ANKRD44: variants seen among roughly 807,000 people sequenced by gnomAD.
ANKRD44 encodes the protein ankyrin repeat domain 44.
Under a neutral mutation model 116.0 loss-of-function variants are expected in ANKRD44, and 35 were observed. The observed-to-expected ratio is 0.30, with a 90% CI of 0.23 to 0.40. The LOEUF is 0.40. Among genes scored for constraint, ANKRD44 ranks in the 10% least tolerant of loss-of-function variants. The pLI is 1.00. For synonymous variants in ANKRD44, 435 were observed against 461.8 expected, an observed-to-expected ratio of 0.94 and a Z score of 0.74; for missense variants, 1,014 against 1,242.6, an observed-to-expected ratio of 0.82 and a Z score of 2.77.
At chr2:196,996,965 A>G (rs2076024670) in intron 25 of ANKRD44, among the ~76,000 whole-genome samples, 1 of 151,268 alleles carries the variant, frequency 6.6e-6, no homozygotes, top group African/African-American at 2.4e-5. Context: ...TTAGGAATTT[A>G]TCTTAAAGTA....
chr2:197,131,486 C>T (rs1413431352), intron 4 of ANKRD44, among the ~76,000 whole-genome samples: 1 of 152,174 alleles, frequency 6.6e-6, no homozygotes, highest in African/African-American at 2.4e-5. Flanking sequence ...CCACCGCGCC[C>T]GGCGATAGTA....
At chr2:197,087,774 G>A (rs1283094312) in intron 12 of ANKRD44, among the ~76,000 whole-genome samples, 1 of 152,144 alleles carries the variant, frequency 6.6e-6, no homozygotes, top group Non-Finnish European at 1.5e-5. Context: ...TGATGCCAAA[G>A]GATCAAGGGT....
At chr2:197,086,608 C>T (rs1450354900) in intron 13 of ANKRD44, 72 bp downstream of exon 13, 1 of 1,445,248 alleles carries the variant, frequency 6.9e-7, no homozygotes, top group African/African-American at 1.4e-5. Flanking sequence ...TTCAACCTAA[C>T]TTGATTACTA....
At chr2:197,049,149 T>TA (rs1167729901) in intron 16 of ANKRD44, among the ~76,000 whole-genome samples, 6 of 152,204 alleles carry the variant, frequency 3.9e-5, no homozygotes, top group African/African-American at 1.4e-4. Flanking sequence ...ACTCTGATGG[T>TA]AGTTTCTTTT....
rs71012957 is a variant in ANKRD44 at position 197,139,848 on chromosome 2, T to TTGTGTG, written c.191-3192_191-3187dup. Among the ~76,000 whole-genome samples, 352 of 131,658 alleles carry TTGTGTG rather than the reference T, an allele frequency of 2.7e-3. 5 individuals carry two copies. Among genetic ancestry groups the TTGTGTG allele is most frequent in the African/African-American group, 3.3e-3 (114 of 34,336 alleles). The allele number at this position is 131,658 out of a possible 152,430, so 86.4% of individuals were successfully genotyped here. A position where few individuals can be genotyped will look rare whatever the true frequency, so the allele number is the denominator to read the frequency against. On this transcript the variant is annotated intron_variant, in intron 3 of 27. Transcript: ENST00000282272. ...TGGGGGAGGGGGGACTAAGCTGCTTTTGTGTGTGTGTGTGTGTGTGTGTGT... is the reference window on the plus strand; with the variant it reads ...TGGGGGAGGGGGGACTAAGCTGCTTTTGTGTGTGTGTGTGTGTGTGTGTGTGTGTGT...
chr2:197,062,786 T>C (rs1284155019), intron 16 of ANKRD44, among the ~76,000 whole-genome samples: 2 of 152,228 alleles, frequency 1.3e-5, no homozygotes, highest in Non-Finnish European at 2.9e-5. Flanking sequence ...CGCCTGCCAT[T>C]ACTGAGGCTT....
chr2:197,144,695 A>G (rs2079452733), intron 3 of ANKRD44, among the ~76,000 whole-genome samples: 1 of 152,224 alleles, frequency 6.6e-6, no homozygotes. Flanking sequence ...AAACAAGTGA[A>G]TAGATTAAAA....
At chr2:197,106,776 C>G (rs925538792) in intron 9 of ANKRD44, among the ~76,000 whole-genome samples, 1 of 144,876 alleles carries the variant, frequency 6.9e-6, no homozygotes, top group East Asian at 2.0e-4. Context: ...GGTGACAGAG[C>G]AAGACTCCGT....
At chr2:197,059,738 A>AT (rs1452876355) in intron 16 of ANKRD44, among the ~76,000 whole-genome samples, 1 of 152,214 alleles carries the variant, frequency 6.6e-6, no homozygotes, top group Non-Finnish European at 1.5e-5. Flanking sequence ...TACACCATCT[A>AT]TTTTCCTTAC....
chr2:197,099,541 T>G, intron 10 of ANKRD44: 1 of 1,148,242 alleles, frequency 8.7e-7, no homozygotes, highest in Non-Finnish European at 1.1e-6. Flanking sequence ...GACAGAAGAA[T>G]ATTAGAAAGA....
At chr2:197,036,371 G>A (rs1423613844) in intron 16 of ANKRD44, among the ~76,000 whole-genome samples, 1 of 152,084 alleles carries the variant, frequency 6.6e-6, no homozygotes, top group African/African-American at 2.4e-5. Flanking sequence ...TGATTCTCCT[G>A]CCTCACCCTC....
At chr2:196,982,108 T>TTATATATATATATATA (rs58816698), downstream of ANKRD44, among the ~76,000 whole-genome samples, 1,062 of 96,334 alleles carry the variant, frequency 0.011, 29 homozygotes, top group African/African-American at 0.035. Flanking sequence ...CTAAAAAAAA[T>TTATATATATATATATA]TATATATATA....
chr2:196,979,171 C>A (rs1189766797), intron 21 of ANKRD44, among the ~76,000 whole-genome samples: 4 of 151,606 alleles, frequency 2.6e-5, no homozygotes, highest in Non-Finnish European at 5.9e-5. Flanking sequence ...CCGAGGCGGG[C>A]GGATCACGAG....
intron 2 of ANKRD44, among the ~76,000 whole-genome samples, chr2:197,149,362 T>G (rs2079583130): frequency 6.6e-6 from 1 of 152,204 alleles, no homozygotes; most frequent in African/African-American, 2.4e-5. Context: ...TGGCCTGTCA[T>G]GATATGACTG....
intron 2 of ANKRD44, among the ~76,000 whole-genome samples, chr2:197,172,654 T>C (rs1681050808): frequency 6.6e-6 from 1 of 152,142 alleles, no homozygotes; most frequent in Non-Finnish European, 1.5e-5. Context: ...AACCTCCATC[T>C]CCCAAGGTCA....
At chr2:197,259,763 T>C (rs1256043363) in intron 1 of ANKRD44, among the ~76,000 whole-genome samples, 2 of 152,222 alleles carry the variant, frequency 1.3e-5, no homozygotes, top group Non-Finnish European at 2.9e-5. Flanking sequence ...CTGCCTTCTC[T>C]AGGTTCTTAC....
At chr2:197,082,362 T>G (rs1038834203) in intron 14 of ANKRD44, among the ~76,000 whole-genome samples, 1 of 152,262 alleles carries the variant, frequency 6.6e-6, no homozygotes, top group East Asian at 1.9e-4. Flanking sequence ...TATATAACTA[T>G]GAAGAGGAAA....
chr2:197,073,236 T>C (rs1170308908), intron 16 of ANKRD44, among the ~76,000 whole-genome samples: 1 of 152,184 alleles, frequency 6.6e-6, no homozygotes, highest in Non-Finnish European at 1.5e-5. Context: ...ATGTTTACAA[T>C]TGTCCCTCTC....
chr2:197,139,396 T>G (rs777880047), intron 3 of ANKRD44, among the ~76,000 whole-genome samples: 2 of 152,146 alleles, frequency 1.3e-5, no homozygotes, highest in Non-Finnish European at 2.9e-5. Flanking sequence ...TAACACCAAA[T>G]GAACAAATCA....
Sources: allele counts gnomAD v4.1 joint callset (sites outside exome capture counted in the v4.1 genomes callset), GRCh38; gene constraint gnomAD v4.1.1; transcripts MANE v1.5; gene names NCBI Gene and HGNC (gene_info 2026-07-23, HGNC 2026-07-21).